The following KHDRBS2 variants were observed in gnomAD, a reference collection of about 807,000 sequenced individuals.
KHDRBS2 encodes KH domain-containing, RNA-binding, signal transduction-associated protein 2.
Under a neutral mutation model 44.3 loss-of-function variants are expected in KHDRBS2, and 26 were observed. That is an observed-to-expected ratio of 0.59 (90% CI 0.43 to 0.81). KHDRBS2 has a LOEUF of 0.81. KHDRBS2 is among the 40% of genes least tolerant of loss of function. The probability of loss-of-function intolerance (pLI) is 0.00; values close to 1 mark genes in which losing one functional copy is unlikely to be tolerated. For synonymous variants in KHDRBS2, 194 were observed against 151.1 expected (o/e 1.28, Z -2.08); for missense variants, 476 against 433.1 (o/e 1.10, Z -0.88).
intron 6 of KHDRBS2, among the ~76,000 whole-genome samples, chr6:61,742,495 T>G (rs1776281153): frequency 6.6e-6 from 1 of 152,070 alleles, no homozygotes; most frequent in Non-Finnish European, 1.5e-5. Flanking sequence ...TATTTTTTCT[T>G]TAAAATGTTA....
At chr6:61,895,821 G>A (rs73487364) in intron 5 of KHDRBS2, among the ~76,000 whole-genome samples, 1,577 of 152,288 alleles carry the variant, frequency 0.01, 27 homozygotes, top group African/African-American at 0.036. Flanking sequence ...GTATTTGGCT[G>A]TAGGCACATA....
intron 7 of KHDRBS2, among the ~76,000 whole-genome samples, chr6:61,706,031 A>T (rs1418755604): frequency 2.6e-5 from 4 of 151,832 alleles, no homozygotes; most frequent in Non-Finnish European, 5.9e-5. Flanking sequence ...ACACATAGTA[A>T]ATGGAATATT....
At chr6:61,702,058 T>TA (rs1017020119) in intron 7 of KHDRBS2, among the ~76,000 whole-genome samples, 2 of 151,734 alleles carry the variant, frequency 1.3e-5, no homozygotes, top group Non-Finnish European at 2.9e-5. Flanking sequence ...ATTTTTTTTT[T>TA]AACAGAAAGA....
the KHDRBS2 span, among the ~76,000 whole-genome samples, chr6:61,572,938 T>G: frequency 6.6e-6 from 1 of 152,208 alleles, no homozygotes; most frequent in Non-Finnish European, 1.5e-5. Context: ...TCACCACTTC[T>G]ATTCAACATA....
At chr6:62,258,436 T>A (rs1222043393) in intron 1 of KHDRBS2, among the ~76,000 whole-genome samples, 1 of 152,028 alleles carries the variant, frequency 6.6e-6, no homozygotes, top group Non-Finnish European at 1.5e-5. Context: ...TACTGTTAAG[T>A]ACTTACGTAT....
chr6:62,246,102 T>TA (rs1835498957), intron 1 of KHDRBS2, among the ~76,000 whole-genome samples: 8 of 124,338 alleles, frequency 6.4e-5, no homozygotes, highest in Non-Finnish European at 1.3e-4. Flanking sequence ...TCAATCAATT[T>TA]TATATATATA....
intron 7 of KHDRBS2, among the ~76,000 whole-genome samples, chr6:61,729,206 C>T (rs9359751): frequency 0.36 from 54,480 of 151,834 alleles, 10,486 homozygotes; most frequent in East Asian, 0.48. Flanking sequence ...GGGCCATTAT[C>T]CTTAGCAAAC....
chr6:61,626,945 C>G, the KHDRBS2 span, among the ~76,000 whole-genome samples: 2 of 151,910 alleles, frequency 1.3e-5, no homozygotes, highest in African/African-American at 4.8e-5. Flanking sequence ...CAAATTCATT[C>G]TGTTGTGTAG....
At chr6:62,049,324 A>G (rs1788451214) in intron 2 of KHDRBS2, among the ~76,000 whole-genome samples, 1 of 151,848 alleles carries the variant, frequency 6.6e-6, no homozygotes, top group Admixed American at 6.6e-5. Flanking sequence ...AAAGGAAACA[A>G]AAAAAAACTT....
chr6:61,664,448 C>G, the KHDRBS2 span, among the ~76,000 whole-genome samples: 4 of 151,568 alleles, frequency 2.6e-5, no homozygotes, highest in African/African-American at 4.8e-5. Context: ...AAAACAACAA[C>G]AAGAACTGAG....
At chr6:61,954,906 G>GTATATA (rs1766073032) in intron 4 of KHDRBS2, among the ~76,000 whole-genome samples, 1 of 100,268 alleles carries the variant, frequency 1.0e-5, no homozygotes, top group African/African-American at 3.6e-5. Flanking sequence ...ATACATATGT[G>GTATATA]TGCATACATA....
intron 1 of KHDRBS2, among the ~76,000 whole-genome samples, chr6:62,218,674 G>C (rs1184260515): frequency 6.6e-6 from 1 of 151,832 alleles, no homozygotes; most frequent in Middle Eastern, 3.4e-3. Flanking sequence ...TCAACATGGG[G>C]TATCTATCTG....
At chr6:61,545,405 C>A in the KHDRBS2 span, among the ~76,000 whole-genome samples, 1 of 151,962 alleles carries the variant, frequency 6.6e-6, no homozygotes, top group African/African-American at 2.4e-5. Flanking sequence ...GGATCCTCTG[C>A]TTCAACATGT....
Position 61,987,333 on chromosome 6 carries a change from C to T in KHDRBS2, c.337-9121G>A, listed in dbSNP as rs142939896. On this transcript the variant is annotated intron_variant, in intron 3 of 8. Coordinates refer to ENST00000281156, the MANE Select transcript of KHDRBS2 (RefSeq NM_152688.4). ...ACTTCTAAAATCCCAATTAATTTCA[C>T]AGGAGTAGCTCTTCCAATGACAGGA... is the stretch of plus-strand genomic sequence containing the variant. Among the ~76,000 whole-genome samples, 528 of 152,250 alleles carry T rather than the reference C, an allele frequency of 3.5e-3. 4 individuals carry two copies. Among genetic ancestry groups the T allele is most frequent in the African/African-American group, 0.012 (495 of 41,556 alleles).
rs78812252 is a variant in KHDRBS2, at chr6:62,153,969, T to C, written c.219+23216A>G. On this transcript the variant is annotated intron_variant, in intron 2 of 8. Coordinates refer to ENST00000281156, the MANE Select transcript of KHDRBS2 (RefSeq NM_152688.4). ...ACAAAATAGGCCTCTCTGAAGGAGT[T>C]TGAGGTACTAGAGTCCTGGGTGTTT... Among the ~76,000 whole-genome samples the C allele has an allele frequency of 1.9e-3, 287 of 152,258 alleles. 3 individuals carry two copies. The East Asian group carries it at 0.04, about 21-fold the overall frequency.
At position 62,009,039 on chromosome 6, in the gene KHDRBS2, G is replaced by A. The variant is rs9360242; in HGVS notation, c.337-30827C>T. On this transcript the variant is annotated intron_variant, in intron 3 of 8. Coordinates refer to ENST00000281156, the MANE Select transcript of KHDRBS2 (RefSeq NM_152688.4). The stretch of plus-strand genomic sequence containing the variant: ...CTTTGGAAATGGGTAACAGGCAGAG[G>A]TTGGAACAGGTTGAAGGGTTCAGAG... 4.6e-5 allele frequency among the ~76,000 whole-genome samples: 7 copies of A among 152,292 alleles called. No homozygotes were observed. In the East Asian group the frequency reaches 1.4e-3, roughly 29 times the overall value.
intron 6 of KHDRBS2, among the ~76,000 whole-genome samples, chr6:61,748,237 C>T (rs2344108): frequency 0.16 from 24,819 of 152,172 alleles, 2,518 homozygotes; most frequent in East Asian, 0.29. Context: ...GATCCGCCTG[C>T]CTTGGCCTCA....
At chr6:61,700,820 G>T (rs1046924798) in intron 7 of KHDRBS2, among the ~76,000 whole-genome samples, 1 of 151,654 alleles carries the variant, frequency 6.6e-6, no homozygotes, top group Admixed American at 6.6e-5. Context: ...GTCATCAGTT[G>T]CAACACGGGA....
chr6:61,804,882 A>C (rs1786886039), intron 6 of KHDRBS2, among the ~76,000 whole-genome samples: 1 of 152,086 alleles, frequency 6.6e-6, no homozygotes, highest in Non-Finnish European at 1.5e-5. Flanking sequence ...AACTGCCACG[A>C]AGGCCTCTGA....
Sources: allele counts gnomAD v4.1 joint callset (sites outside exome capture counted in the v4.1 genomes callset), GRCh38; gene constraint gnomAD v4.1.1; transcripts MANE v1.5; gene names NCBI Gene and HGNC (gene_info 2026-07-23, HGNC 2026-07-21).